Variants in MAP4 observed in about 807,000 individuals in gnomAD.
MAP4 encodes the protein microtubule associated protein 4.
Under a neutral mutation model 170.2 loss-of-function variants are expected in MAP4, and 76 were observed. The observed-to-expected ratio is 0.45, with a 90% confidence interval of 0.37 to 0.54. MAP4 has a LOEUF of 0.54. Ranked by LOEUF, MAP4 falls within the 20% of genes least tolerant of loss-of-function variation. The pLI is 0.00. For synonymous variants in MAP4, 909 were observed against 994.5 expected, an observed-to-expected ratio of 0.91 and a Z score of 1.62; for missense variants, 2,506 against 2,748.0, an observed-to-expected ratio of 0.91 and a Z score of 1.97.
chr3:47,875,643 G>A (rs201469193), intron 12 of MAP4, 42 bp downstream of exon 12: 1 of 1,532,552 alleles, frequency 6.5e-7, no homozygotes, highest in South Asian at 1.2e-5. Flanking sequence ...ACACTCAGAG[G>A]GGAACAATTT....
chr3:48,073,606 C>A (rs2100142149), intron 1 of MAP4, among the ~76,000 whole-genome samples: 1 of 147,536 alleles, frequency 6.8e-6, no homozygotes, highest in Non-Finnish European at 1.5e-5. Context: ...AGCAAAACTC[C>A]ATTTCAAAAA....
chr3:48,061,811 G>A (rs1424166010), intron 1 of MAP4, among the ~76,000 whole-genome samples: 1 of 149,746 alleles, frequency 6.7e-6, no homozygotes, highest in East Asian at 2.0e-4. Context: ...GCCCCCACCC[G>A]GCCAGCCGCC....
chr3:47,948,550 A>C (rs1400523809), intron 3 of MAP4, among the ~76,000 whole-genome samples: 1 of 152,040 alleles, frequency 6.6e-6, no homozygotes, highest in Admixed American at 6.5e-5. Context: ...TTCTATAGAA[A>C]GGGGTGTTAA....
intron 10 of MAP4, among the ~76,000 whole-genome samples, chr3:47,880,194 T>C (rs140407011): frequency 0.012 from 1,851 of 151,654 alleles, 15 homozygotes; most frequent in South Asian, 0.022. Context: ...CTCCGCCTCC[T>C]GCCATTCTCC....
intron 1 of MAP4, among the ~76,000 whole-genome samples, chr3:48,053,304 T>A (rs1020030788): frequency 1.9e-4 from 29 of 152,190 alleles, no homozygotes; most frequent in African/African-American, 6.5e-4. Context: ...ATGGAAAAGA[T>A]TTAAGTCGTT....
In MAP4 at chr3:47,852,756, C is replaced by T. The variant is rs995754292; in HGVS notation, c.*178G>A. 63 of 1,539,072 alleles carry T rather than the reference C, an allele frequency of 4.1e-5. No individual in the cohort carries two copies. Among genetic ancestry groups the T allele is most frequent in the Non-Finnish European group, 2.8e-5 (32 of 1,144,018 alleles). On this transcript the variant is annotated 3_prime_UTR_variant, in exon 21 of 21. Transcript: ENST00000683076. ...AAAGCAGGAGGGAAGGCGAGCCTAG[C>T]GGGCTGCCCAGCACGGCGCCCAAGC...
chr3:47,906,556 G>A (rs899447898), intron 9 of MAP4, among the ~76,000 whole-genome samples: 19 of 151,456 alleles, frequency 1.3e-4, no homozygotes, highest in Admixed American at 1.2e-3. Context: ...GGTGGTGCAT[G>A]CCTGTAATCC....
intron 9 of MAP4, among the ~76,000 whole-genome samples, chr3:47,906,967 C>T (rs1050833535): frequency 1.3e-5 from 2 of 151,746 alleles, no homozygotes; most frequent in African/African-American, 4.8e-5. Flanking sequence ...TCCCAAGTAG[C>T]TGGGATTACA....
intron 1 of MAP4, among the ~76,000 whole-genome samples, chr3:48,025,768 T>C (rs1349038655): frequency 2.0e-5 from 3 of 151,510 alleles, no homozygotes; most frequent in Admixed American, 2.0e-4. Context: ...GGCGTGGTGG[T>C]GCACACCCAT....
At chr3:48,054,306 AAAAAACAAAAAAC>A (rs1315134439) in intron 1 of MAP4, among the ~76,000 whole-genome samples, 4 of 150,982 alleles carry the variant, frequency 2.6e-5, no homozygotes, top group African/African-American at 7.3e-5. Context: ...CAAAAAACAA[AAAAAACAAAAAAC>A]AAAAACAAAA....
At chr3:47,854,344 C>T (rs116184564) in intron 19 of MAP4, among the ~76,000 whole-genome samples, 6,728 of 152,212 alleles carry the variant, frequency 0.044, 500 homozygotes, top group African/African-American at 0.15. Flanking sequence ...AAGGACCCCC[C>T]CAGATGTTCC....
At chr3:47,869,104 T>A (rs2086029023) in intron 16 of MAP4, 110 bp downstream of exon 16, 2 of 831,366 alleles carry the variant, frequency 2.4e-6, no homozygotes, top group Non-Finnish European at 4.1e-6. Flanking sequence ...GGAGAAGAAG[T>A]AGAAACTAGT....
intron 2 of MAP4, chr3:47,987,507 A>G (rs2100089491): frequency 2.0e-6 from 2 of 1,014,538 alleles, no homozygotes; most frequent in East Asian, 2.7e-5. Flanking sequence ...AAAGGATTTT[A>G]GAACAACAAC....
chr3:47,876,374 G>A (rs1044196354), intron 11 of MAP4, among the ~76,000 whole-genome samples: 3 of 152,032 alleles, frequency 2.0e-5, no homozygotes, highest in African/African-American at 7.2e-5. Context: ...CTTGTGATCT[G>A]CCCGCCTCGG....
chr3:48,080,940 C>T (rs1176970661), intron 1 of MAP4, among the ~76,000 whole-genome samples: 2 of 152,070 alleles, frequency 1.3e-5, no homozygotes, highest in Admixed American at 6.6e-5. Flanking sequence ...CTGGCTAACA[C>T]GGTGAAACCC....
At chr3:48,022,416 G>T (rs1210504572) in intron 1 of MAP4, among the ~76,000 whole-genome samples, 1 of 152,128 alleles carries the variant, frequency 6.6e-6, no homozygotes, top group Non-Finnish European at 1.5e-5. Context: ...ATTCCCCTCA[G>T]CAGTACTTAC....
chr3:47,939,145 A>G (rs1465048020), intron 3 of MAP4, among the ~76,000 whole-genome samples: 1 of 152,154 alleles, frequency 6.6e-6, no homozygotes, highest in Non-Finnish European at 1.5e-5. Context: ...CAAAGCCACC[A>G]CTTGGGCCTC....
intron 8 of MAP4, among the ~76,000 whole-genome samples, chr3:47,914,205 G>A (rs2100037387): frequency 6.6e-6 from 1 of 152,136 alleles, no homozygotes; most frequent in South Asian, 2.1e-4. Context: ...GACCACACAG[G>A]ATAGAATAGT....
intron 7 of MAP4, among the ~76,000 whole-genome samples, chr3:47,915,533 C>A (rs1256454741): frequency 6.6e-6 from 1 of 151,914 alleles, no homozygotes; most frequent in Non-Finnish European, 1.5e-5. Context: ...ATACATGGGG[C>A]AATATATCGA....
Sources: gnomAD v4.1 joint callset for allele counts (sites outside exome capture counted in the v4.1 genomes callset) on GRCh38, gnomAD v4.1.1 for gene constraint, MANE v1.5 for transcripts, NCBI Gene and HGNC (gene_info 2026-07-23, HGNC 2026-07-21) for gene names.